Variants in ERBB4 observed in about 807,000 individuals in gnomAD.
The protein encoded by ERBB4 is receptor tyrosine-protein kinase erbB-4.
In ERBB4, 42 loss-of-function variants were observed where a neutral mutation model predicts 158.0. That is an observed-to-expected ratio of 0.27 (90% CI 0.21 to 0.34). ERBB4 has a LOEUF of 0.34. Ranked by LOEUF, ERBB4 falls within the 10% of genes least tolerant of loss-of-function variation. The pLI is 1.00. For missense variants in ERBB4, 1,333 were observed against 1,624.1 expected (o/e 0.82, Z 3.08); for synonymous variants, 583 against 558.7 (o/e 1.04, Z -0.61).
chr2:212,357,391 A>T (rs2089503123), intron 1 of ERBB4, among the ~76,000 whole-genome samples: 1 of 151,902 alleles, frequency 6.6e-6, no homozygotes, highest in Non-Finnish European at 1.5e-5. Context: ...ATGCTGTGAG[A>T]ATACGACTTT....
intron 20 of ERBB4, among the ~76,000 whole-genome samples, chr2:211,482,251 T>C (rs2065101354): frequency 6.6e-6 from 1 of 152,196 alleles, no homozygotes; most frequent in Non-Finnish European, 1.5e-5. Context: ...CCAAATTTAT[T>C]ATAAGAAAAA....
intron 1 of ERBB4, among the ~76,000 whole-genome samples, chr2:212,509,583 T>C: frequency 6.6e-6 from 1 of 152,154 alleles, no homozygotes; most frequent in East Asian, 1.9e-4. Context: ...TTTAAATAAG[T>C]TTATGTTCCA....
chr2:211,585,395 A>G (rs1414816241), intron 19 of ERBB4, among the ~76,000 whole-genome samples: 1 of 151,608 alleles, frequency 6.6e-6, no homozygotes, highest in Non-Finnish European at 1.5e-5. Context: ...AAGACATTCA[A>G]TTCTATAAAA....
At chr2:212,537,849 G>A (rs1250362277) in intron 1 of ERBB4, among the ~76,000 whole-genome samples, 1 of 152,092 alleles carries the variant, frequency 6.6e-6, no homozygotes. Context: ...AGAACTCCGG[G>A]CCCCGGACCG....
chr2:211,448,448 A>G (rs1251715184), intron 20 of ERBB4, among the ~76,000 whole-genome samples: 2 of 144,122 alleles, frequency 1.4e-5, no homozygotes, highest in Non-Finnish European at 3.0e-5. Context: ...TTGTATGTAT[A>G]TACATCTACC....
At chr2:211,750,180 T>C (rs2075089659) in intron 5 of ERBB4, among the ~76,000 whole-genome samples, 1 of 152,206 alleles carries the variant, frequency 6.6e-6, no homozygotes, top group Admixed American at 6.5e-5. Flanking sequence ...TTCATAAAGT[T>C]TTTATCCCTG....
At chr2:211,914,804 C>G (rs943165393) in intron 3 of ERBB4, among the ~76,000 whole-genome samples, 1 of 151,958 alleles carries the variant, frequency 6.6e-6, no homozygotes, top group Non-Finnish European at 1.5e-5. Flanking sequence ...AAATGTTTCA[C>G]TCTTTTAAGT....
chr2:211,394,839 C>G (rs1159291020), intron 25 of ERBB4, among the ~76,000 whole-genome samples: 1 of 152,048 alleles, frequency 6.6e-6, no homozygotes, highest in African/African-American at 2.4e-5. Flanking sequence ...AGACCTAGAA[C>G]AAATGGTCTC....
intron 3 of ERBB4, among the ~76,000 whole-genome samples, chr2:211,922,443 AC>A (rs2079880836): frequency 6.6e-6 from 1 of 152,112 alleles, no homozygotes; most frequent in African/African-American, 2.4e-5. Flanking sequence ...TAGTTTATCA[AC>A]TTTTTTTTTC....
At chr2:212,178,730 TAGTC>T (rs1432828433) in intron 1 of ERBB4, among the ~76,000 whole-genome samples, 2 of 151,734 alleles carry the variant, frequency 1.3e-5, no homozygotes, top group African/African-American at 2.4e-5. Context: ...TCAAGATTGA[TAGTC>T]AGAGATTTGA....
At chr2:212,039,352 A>C (rs113603566) in intron 2 of ERBB4, among the ~76,000 whole-genome samples, 1,983 of 152,264 alleles carry the variant, frequency 0.013, 22 homozygotes, top group Middle Eastern at 0.027. Flanking sequence ...TCCTTTTTAT[A>C]TATGGTTGAA....
At position 211,517,288 on chromosome 2, in the gene ERBB4, T is replaced by A. The variant is rs534323116; in HGVS notation, c.2487+44615A>T. Reference sequence around the variant, plus strand: ...ATATCCTTATCTGAAATAGTGATAATGATACCTTCTCATTCAATTTTTATA... The same window carrying A: ...ATATCCTTATCTGAAATAGTGATAAAGATACCTTCTCATTCAATTTTTATA... On this transcript the variant is annotated intron_variant, in intron 20 of 27. Coordinates refer to ENST00000342788, the MANE Select transcript of ERBB4 (RefSeq NM_005235.3). 3.3e-3 allele frequency among the ~76,000 whole-genome samples: 509 copies of A among 152,286 alleles called. 2 individuals are homozygous for A. Among genetic ancestry groups the A allele is most frequent in the Non-Finnish European group, 6.3e-3 (427 of 68,024 alleles).
At chr2:212,225,061 T>C (rs1247732769) in intron 1 of ERBB4, among the ~76,000 whole-genome samples, 1 of 152,068 alleles carries the variant, frequency 6.6e-6, no homozygotes, top group East Asian at 1.9e-4. Context: ...TATATGCCAA[T>C]CCATTTATAT....
chr2:212,115,890 C>T (rs1334113988), intron 2 of ERBB4, among the ~76,000 whole-genome samples: 1 of 151,826 alleles, frequency 6.6e-6, no homozygotes, highest in East Asian at 1.9e-4. Context: ...TACCACAATG[C>T]CCAGAGGTAT....
rs1469309092 is a variant in ERBB4, at chr2:211,386,994, G to T, written c.3340C>A (p.Pro1114Thr). The change falls in exon 27 of 28, where the codon CCA becomes ACA. Residue 1114 changes from proline to threonine, a missense_variant. By Grantham distance (38) the Pro-to-Thr change is conservative. Transcript: ENST00000342788. ...DSCCNGTLRK[P>T]VAPHVQEDSS... is the part of the protein sequence containing the mutation. Reference sequence around the variant, plus strand: ...TCCTCTTGGACATGGGGTGCCACTGGCTTGCGTAGGGTGCCATTACAGCAG... The same window carrying T: ...TCCTCTTGGACATGGGGTGCCACTGTCTTGCGTAGGGTGCCATTACAGCAG... 1.9e-6 allele frequency: 3 copies of T among 1,614,072 alleles called. No individual in the cohort carries two copies. Among genetic ancestry groups the T allele is most frequent in the Non-Finnish European group, 2.5e-6 (3 of 1,180,014 alleles).
At chr2:212,447,827 C>T (rs547648344) in intron 1 of ERBB4, among the ~76,000 whole-genome samples, 179 of 149,750 alleles carry the variant, frequency 1.2e-3, no homozygotes, top group Non-Finnish European at 2.2e-3. Flanking sequence ...GGGCAACTAA[C>T]ATTTCTTTCT....
At chr2:212,471,244 C>T (rs1260477636) in intron 1 of ERBB4, among the ~76,000 whole-genome samples, 3 of 151,974 alleles carry the variant, frequency 2.0e-5, no homozygotes, top group Non-Finnish European at 4.4e-5. Flanking sequence ...AATGTTCTAA[C>T]TGGTTTTTAG....
At chr2:211,982,423 A>T (rs892593546) in intron 2 of ERBB4, among the ~76,000 whole-genome samples, 4 of 152,228 alleles carry the variant, frequency 2.6e-5, no homozygotes, top group Non-Finnish European at 5.9e-5. Context: ...GTTCCACAAA[A>T]AGGGGATAAC....
chr2:211,876,642 T>C (rs1361101231), intron 3 of ERBB4, among the ~76,000 whole-genome samples: 1 of 152,176 alleles, frequency 6.6e-6, no homozygotes, highest in Non-Finnish European at 1.5e-5. Context: ...TTTATGTGGA[T>C]AGAAATTAAA....
Sources: allele counts gnomAD v4.1 joint callset (sites outside exome capture counted in the v4.1 genomes callset), GRCh38; gene constraint gnomAD v4.1.1; transcripts MANE v1.5; gene names NCBI Gene and HGNC (gene_info 2026-07-23, HGNC 2026-07-21).